DNM3: variants seen among roughly 807,000 people sequenced by gnomAD.
The protein encoded by DNM3 is dynamin 3.
Under a neutral mutation model 101.6 loss-of-function variants are expected in DNM3, and 47 were observed. That is an observed-to-expected ratio of 0.46 (90% CI 0.37 to 0.59). The LOEUF is 0.59. DNM3 is among the 20% of genes least tolerant of loss of function. The pLI is 0.00. For missense variants in DNM3, 849 were observed against 1,085.7 expected, an observed-to-expected ratio of 0.78 and a Z score of 3.06; for synonymous variants, 385 against 387.9, an observed-to-expected ratio of 0.99 and a Z score of 0.09.
At position 171,843,327 on chromosome 1, in the gene DNM3, C is replaced by T. The variant is rs559178074; in HGVS notation, c.161+1510C>T. ...AAGTGAAGGTAAAGCATTTTGCCTA[C>T]GTCATCTTAGACTTTTGGTGAAGTG... On this transcript the variant is annotated intron_variant, in intron 1 of 20. Coordinates refer to ENST00000627582, the MANE Select transcript of DNM3 (RefSeq NM_015569.5). 1.3e-3 allele frequency among the ~76,000 whole-genome samples: 196 copies of T among 152,182 alleles called. 1 individual carries two copies. The highest frequency in any genetic ancestry group is 4.5e-3 in the African/African-American group (187 of 41,520).
chr1:172,301,063 G>C (rs189984476), intron 15 of DNM3, among the ~76,000 whole-genome samples: 1 of 152,366 alleles, frequency 6.6e-6, no homozygotes, highest in East Asian at 1.9e-4. Flanking sequence ...TTTAGGTGGA[G>C]ATGGAGGCTC....
intron 15 of DNM3, among the ~76,000 whole-genome samples, chr1:172,272,867 G>A (rs1477665833): frequency 6.6e-6 from 1 of 152,046 alleles, no homozygotes; most frequent in African/African-American, 2.4e-5. Context: ...CAGCTAGTGT[G>A]CACTTCTCCA....
intron 19 of DNM3, 64 bp from the exon 20 acceptor site, chr1:172,388,509 T>C: frequency 7.2e-7 from 1 of 1,391,626 alleles, no homozygotes; most frequent in Non-Finnish European, 1.0e-6. Flanking sequence ...TTACAAAACA[T>C]TTTTAGAGAT....
chr1:172,128,426 CA>C (rs2056758292), intron 13 of DNM3, among the ~76,000 whole-genome samples: 1 of 152,054 alleles, frequency 6.6e-6, no homozygotes, highest in African/African-American at 2.4e-5. Flanking sequence ...GCGATAGTTT[CA>C]GAATCATTCT....
intron 14 of DNM3, among the ~76,000 whole-genome samples, chr1:172,146,315 G>C (rs1572715883): frequency 6.6e-6 from 1 of 152,070 alleles, no homozygotes; most frequent in African/African-American, 2.4e-5. Context: ...CACTACTGAA[G>C]AGTTCAAAAG....
chr1:172,110,467 C>T (rs1012051776), intron 13 of DNM3, among the ~76,000 whole-genome samples: 10 of 151,988 alleles, frequency 6.6e-5, no homozygotes, highest in African/African-American at 1.7e-4. Flanking sequence ...ACATAGAATC[C>T]GCTTATAAAT....
At chr1:171,948,434 T>G (rs1418302228) in intron 2 of DNM3, among the ~76,000 whole-genome samples, 2 of 152,172 alleles carry the variant, frequency 1.3e-5, no homozygotes, top group Admixed American at 1.3e-4. Context: ...ATCATTTTTA[T>G]TTTTTAGGTT....
chr1:171,918,064 G>A (rs1457620879), intron 1 of DNM3, among the ~76,000 whole-genome samples: 3 of 152,202 alleles, frequency 2.0e-5, no homozygotes, highest in Non-Finnish European at 2.9e-5. Context: ...TCAACACCAA[G>A]AGGATAGTTC....
chr1:172,063,735 A>G (rs886348847), intron 10 of DNM3, among the ~76,000 whole-genome samples: 144 of 147,508 alleles, frequency 9.8e-4, no homozygotes, highest in African/African-American at 3.3e-3. Flanking sequence ...GCCAAGATGT[A>G]CCACTGCACT....
intron 2 of DNM3, among the ~76,000 whole-genome samples, chr1:171,944,339 GTATT>G (rs60936293): frequency 0.16 from 22,877 of 146,866 alleles, 1,926 homozygotes; most frequent in Middle Eastern, 0.22. Context: ...TTTAAACAAT[GTATT>G]TATTTATTTA....
At chr1:172,281,197 G>A (rs573255288) in intron 15 of DNM3, among the ~76,000 whole-genome samples, 1 of 152,210 alleles carries the variant, frequency 6.6e-6, no homozygotes, top group South Asian at 2.1e-4. Context: ...ACTGACAGAA[G>A]TATAGAGAAG....
At chr1:172,135,439 T>C (rs1295506045) in intron 14 of DNM3, among the ~76,000 whole-genome samples, 1 of 152,186 alleles carries the variant, frequency 6.6e-6, no homozygotes, top group East Asian at 1.9e-4. Context: ...AGGTAGATTG[T>C]CTTAAATTGT....
intron 11 of DNM3, among the ~76,000 whole-genome samples, chr1:172,073,442 C>T (rs758938228): frequency 2.2e-4 from 34 of 151,834 alleles, no homozygotes; most frequent in South Asian, 4.2e-4. Flanking sequence ...CATAATTTTA[C>T]GTATACATAA....
At chr1:172,283,400 G>A (rs2063562651) in intron 15 of DNM3, among the ~76,000 whole-genome samples, 1 of 151,606 alleles carries the variant, frequency 6.6e-6, no homozygotes, top group South Asian at 2.1e-4. Context: ...TCTTTCTTGT[G>A]GCTAATTTCT....
chr1:172,244,127 G>A (rs2148658957), intron 14 of DNM3, among the ~76,000 whole-genome samples: 1 of 151,750 alleles, frequency 6.6e-6, no homozygotes, highest in South Asian at 2.1e-4. Context: ...TTGGTTTTTT[G>A]TTCTTGTGAT....
intron 8 of DNM3, among the ~76,000 whole-genome samples, chr1:172,043,318 A>T (rs1173626974): frequency 6.6e-6 from 1 of 152,140 alleles, no homozygotes; most frequent in Non-Finnish European, 1.5e-5. Flanking sequence ...TGTATGGAGA[A>T]GTGAATTAGG....
At chr1:171,949,476 C>A (rs2042368696) in intron 2 of DNM3, among the ~76,000 whole-genome samples, 2 of 152,220 alleles carry the variant, frequency 1.3e-5, no homozygotes, top group Non-Finnish European at 2.9e-5. Flanking sequence ...GTAAAATGAT[C>A]ATTGCTTACT....
At chr1:171,872,418 G>A (rs1209177584) in intron 1 of DNM3, among the ~76,000 whole-genome samples, 1 of 151,994 alleles carries the variant, frequency 6.6e-6, no homozygotes, top group Non-Finnish European at 1.5e-5. Flanking sequence ...TATGAGGATA[G>A]AAACTGTGCC....
intron 15 of DNM3, among the ~76,000 whole-genome samples, chr1:172,270,723 T>C (rs1456952199): frequency 6.6e-6 from 1 of 152,176 alleles, no homozygotes; most frequent in East Asian, 1.9e-4. Context: ...CATAGTTTCA[T>C]GAAGAAAATA....
Sources: gnomAD v4.1 joint callset for allele counts (sites outside exome capture counted in the v4.1 genomes callset) on GRCh38, gnomAD v4.1.1 for gene constraint, MANE v1.5 for transcripts, NCBI Gene and HGNC (gene_info 2026-07-23, HGNC 2026-07-21) for gene names.